PACSIN2: variants seen among roughly 807,000 people sequenced by gnomAD.
PACSIN2 encodes protein kinase C and casein kinase substrate in neurons protein 2.
In PACSIN2, 25 loss-of-function variants were observed where a neutral mutation model predicts 63.8. That is an observed-to-expected ratio of 0.39 (90% CI 0.29 to 0.55). PACSIN2 has a LOEUF of 0.55. Ranked by LOEUF, PACSIN2 falls within the 20% of genes least tolerant of loss-of-function variation. PACSIN2 has a pLI of 0.62. For missense variants in PACSIN2, 518 were observed against 646.9 expected (o/e 0.80, Z 2.16); for synonymous variants, 255 against 256.2 (o/e 1.00, Z 0.05).
chr22:43,001,295 G>A (rs1923750597), intron 1 of PACSIN2, among the ~76,000 whole-genome samples: 1 of 152,200 alleles, frequency 6.6e-6, no homozygotes, highest in Admixed American at 6.5e-5. Flanking sequence ...ATGACCAGAG[G>A]CTTCCATGAA....
chr22:42,919,926 GACC>G (rs1424213853), intron 1 of PACSIN2, among the ~76,000 whole-genome samples: 1 of 150,098 alleles, frequency 6.7e-6, no homozygotes, highest in African/African-American at 2.4e-5. Context: ...AACACAGTGA[GACC>G]ACCATCTCTA....
At chr22:43,011,696 G>A (rs990554257) in intron 1 of PACSIN2, among the ~76,000 whole-genome samples, 5 of 152,176 alleles carry the variant, frequency 3.3e-5, no homozygotes, top group Non-Finnish European at 5.9e-5. Flanking sequence ...GGCCAACACT[G>A]TGAAACCCCA....
At chr22:42,962,548 G>A (rs556716456) in intron 1 of PACSIN2, among the ~76,000 whole-genome samples, 9 of 151,520 alleles carry the variant, frequency 5.9e-5, no homozygotes, top group African/African-American at 1.9e-4. Flanking sequence ...AAGGAGAAGA[G>A]GCCCAAGGCA....
intron 7 of PACSIN2, among the ~76,000 whole-genome samples, chr22:42,881,337 C>T (rs1017074183): frequency 6.6e-6 from 1 of 152,188 alleles, no homozygotes; most frequent in Non-Finnish European, 1.5e-5. Flanking sequence ...TCCCATTCCA[C>T]ACGTGGGAAA....
At chr22:42,925,060 T>G (rs1021231926) in intron 1 of PACSIN2, among the ~76,000 whole-genome samples, 9 of 151,818 alleles carry the variant, frequency 5.9e-5, no homozygotes, top group East Asian at 2.0e-4. Flanking sequence ...AGAACTTTTC[T>G]AACCCTGCCC....
At chr22:43,007,820 G>A (rs1319434385) in intron 1 of PACSIN2, among the ~76,000 whole-genome samples, 1 of 152,092 alleles carries the variant, frequency 6.6e-6, no homozygotes, top group Non-Finnish European at 1.5e-5. Flanking sequence ...CAGAGCCAGG[G>A]GCACCAGGCA....
intron 1 of PACSIN2, among the ~76,000 whole-genome samples, chr22:42,936,620 T>C (rs1932927244): frequency 6.6e-6 from 1 of 151,956 alleles, no homozygotes. Context: ...GAAATAAAGA[T>C]GGGGTTATGG....
At chr22:42,961,981 C>T (rs980051877) in intron 1 of PACSIN2, among the ~76,000 whole-genome samples, 1 of 152,278 alleles carries the variant, frequency 6.6e-6, no homozygotes, top group African/African-American at 2.4e-5. Flanking sequence ...GTTAAATCCA[C>T]GGCACCATCA....
intron 2 of PACSIN2, among the ~76,000 whole-genome samples, chr22:42,895,040 T>TG (rs1930181316): frequency 6.6e-6 from 1 of 152,200 alleles, no homozygotes; most frequent in Non-Finnish European, 1.5e-5. Flanking sequence ...CAAAGACCCC[T>TG]GGAAGGTGGT....
At chr22:42,970,189 A>T (rs1921146852) in intron 1 of PACSIN2, among the ~76,000 whole-genome samples, 1 of 152,206 alleles carries the variant, frequency 6.6e-6, no homozygotes, top group East Asian at 1.9e-4. Context: ...CACCTGAATC[A>T]CATTTAAAAA....
chr22:42,904,374 A>G (rs1241539030), intron 2 of PACSIN2, among the ~76,000 whole-genome samples: 1 of 152,222 alleles, frequency 6.6e-6, no homozygotes, highest in Non-Finnish European at 1.5e-5. Flanking sequence ...GCACCCAGCA[A>G]GTGGCAGGAA....
chr22:42,874,550 C>T (rs774023444), intron 10 of PACSIN2, among the ~76,000 whole-genome samples: 12 of 152,218 alleles, frequency 7.9e-5, no homozygotes, highest in East Asian at 3.8e-4. Context: ...GACAAGGCCC[C>T]ACCTGGCCCA....
At chr22:43,009,084 C>T (rs900566060) in intron 1 of PACSIN2, among the ~76,000 whole-genome samples, 2 of 152,186 alleles carry the variant, frequency 1.3e-5, no homozygotes, top group African/African-American at 2.4e-5. Context: ...GTTTCCTCTA[C>T]GAGTGACACA....
At chr22:42,901,937 G>T (rs1930717802) in intron 2 of PACSIN2, among the ~76,000 whole-genome samples, 1 of 152,210 alleles carries the variant, frequency 6.6e-6, no homozygotes, top group Non-Finnish European at 1.5e-5. Flanking sequence ...CCTCTCCGTG[G>T]TGCAGAGGGA....
At chr22:42,931,087 C>A (rs1469375314) in intron 1 of PACSIN2, among the ~76,000 whole-genome samples, 1 of 152,256 alleles carries the variant, frequency 6.6e-6, no homozygotes, top group African/African-American at 2.4e-5. Context: ...CATGCCTATT[C>A]CAGACGCCTG....
At chr22:42,956,962 G>A (rs920058071) in intron 1 of PACSIN2, among the ~76,000 whole-genome samples, 10 of 152,160 alleles carry the variant, frequency 6.6e-5, no homozygotes, top group Admixed American at 1.3e-4. Context: ...AAAGGAAGCC[G>A]ATTGGAATAT....
At chr22:42,910,551 C>T (rs1931382973) in intron 2 of PACSIN2, among the ~76,000 whole-genome samples, 1 of 152,188 alleles carries the variant, frequency 6.6e-6, no homozygotes, top group Non-Finnish European at 1.5e-5. Context: ...GGGGCACCTC[C>T]AAACCACGTC....
chr22:42,901,800 T>A (rs1930707244), intron 2 of PACSIN2, among the ~76,000 whole-genome samples: 1 of 152,242 alleles, frequency 6.6e-6, no homozygotes, highest in Non-Finnish European at 1.5e-5. Context: ...TGGTGCTTCC[T>A]GGCATACCTG....
chr22:42,919,772 C>CAAAAA (rs761464603), intron 1 of PACSIN2, among the ~76,000 whole-genome samples: 30 of 48,740 alleles, frequency 6.2e-4, no homozygotes, highest in African/African-American at 1.4e-3. Context: ...GAACCTGTCT[C>CAAAAA]AAAAAAAAAA....
Sources: allele counts gnomAD v4.1 joint callset (sites outside exome capture counted in the v4.1 genomes callset), GRCh38; gene constraint gnomAD v4.1.1; transcripts MANE v1.5; gene names NCBI Gene and HGNC (gene_info 2026-07-23, HGNC 2026-07-21).